Variants in ALCAM observed in about 807,000 individuals in gnomAD.
ALCAM encodes the protein activated leukocyte cell adhesion molecule, also known as CD166 antigen.
ALCAM carries 30 observed loss-of-function variants against 70.9 expected under a neutral mutation model. The observed-to-expected ratio is 0.42, with a 90% CI of 0.32 to 0.57. The LOEUF is 0.57. ALCAM is among the 20% of genes least tolerant of loss of function. The pLI, the probability that ALCAM is intolerant of heterozygous loss-of-function variation, is 0.11. For missense variants in ALCAM, 591 were observed against 695.1 expected, an observed-to-expected ratio of 0.85 and a Z score of 1.68; for synonymous variants, 249 against 242.5, an observed-to-expected ratio of 1.03 and a Z score of -0.25.
intron 1 of ALCAM, among the ~76,000 whole-genome samples, chr3:105,464,516 C>T (rs1937659932): frequency 6.6e-6 from 1 of 151,162 alleles, no homozygotes; most frequent in Admixed American, 6.6e-5. Flanking sequence ...TAATTATAAG[C>T]ATATTAGGAC....
At chr3:105,538,998 ACTT>A (rs1318312725) in intron 6 of ALCAM, among the ~76,000 whole-genome samples, 1 of 152,070 alleles carries the variant, frequency 6.6e-6, no homozygotes, top group African/African-American at 2.4e-5. Context: ...CAAAAGTATA[ACTT>A]ACTCATTTCA....
intron 9 of ALCAM, 69 bp from the exon 10 acceptor site, chr3:105,547,080 T>A: frequency 7.7e-7 from 1 of 1,297,488 alleles, no homozygotes; most frequent in Non-Finnish European, 1.0e-6. Flanking sequence ...TAGGCTTAAT[T>A]ATTATCTAAT....
intron 1 of ALCAM, among the ~76,000 whole-genome samples, chr3:105,368,426 G>T (rs894076439): frequency 6.6e-6 from 1 of 151,942 alleles, no homozygotes; most frequent in African/African-American, 2.4e-5. Context: ...AGAGCAGCAG[G>T]TTCCTTTGCT....
At chr3:105,492,508 A>G (rs1278174424) in intron 1 of ALCAM, among the ~76,000 whole-genome samples, 1 of 152,226 alleles carries the variant, frequency 6.6e-6, no homozygotes, top group Non-Finnish European at 1.5e-5. Context: ...AAAAAATGTA[A>G]TGATTAGGAG....
At chr3:105,547,956 T>G (rs1391752059) in intron 11 of ALCAM, among the ~76,000 whole-genome samples, 1 of 151,424 alleles carries the variant, frequency 6.6e-6, no homozygotes, top group Admixed American at 6.6e-5. Context: ...TGTTACTTCT[T>G]AAAACTATGT....
chr3:105,405,104 C>T (rs112339805), intron 1 of ALCAM, among the ~76,000 whole-genome samples: 36 of 151,962 alleles, frequency 2.4e-4, no homozygotes, highest in African/African-American at 8.4e-4. Context: ...ATGGAGAAAC[C>T]TTGTCTCTAC....
At chr3:105,436,437 C>T (rs141987487) in intron 1 of ALCAM, among the ~76,000 whole-genome samples, 2,331 of 152,206 alleles carry the variant, frequency 0.015, 24 homozygotes, top group Middle Eastern at 0.048. Flanking sequence ...CTGCCATTCT[C>T]CTGCCTCAGC....
chr3:105,413,379 C>G (rs1936434458), intron 1 of ALCAM, among the ~76,000 whole-genome samples: 1 of 152,086 alleles, frequency 6.6e-6, no homozygotes, highest in Admixed American at 6.6e-5. Flanking sequence ...TGTTAAATTT[C>G]TGTATACATT....
chr3:105,425,387 TCA>T (rs1430715122), intron 1 of ALCAM, among the ~76,000 whole-genome samples: 2 of 151,760 alleles, frequency 1.3e-5, no homozygotes, highest in Non-Finnish European at 2.9e-5. Flanking sequence ...GTGGAACCTC[TCA>T]GTCTTTCAAA....
chr3:105,498,199 A>G (rs375223181), intron 1 of ALCAM, among the ~76,000 whole-genome samples: 36 of 152,212 alleles, frequency 2.4e-4, no homozygotes, highest in African/African-American at 8.7e-4. Context: ...AATATATTCA[A>G]AGTCATATGG....
chr3:105,368,251 GAGAGAGAGAGAGAA>G (rs538559195), intron 1 of ALCAM, among the ~76,000 whole-genome samples: 2,430 of 151,308 alleles, frequency 0.016, 31 homozygotes, highest in Middle Eastern at 0.048. Flanking sequence ...GAGAGAGAGA[GAGAGAGAGAGAGAA>G]AAGGCAAAAT....
chr3:105,402,006 T>C (rs1012590031), intron 1 of ALCAM, among the ~76,000 whole-genome samples: 13 of 147,484 alleles, frequency 8.8e-5, no homozygotes, highest in African/African-American at 3.0e-4. Flanking sequence ...AGAAGAAAAA[T>C]AGCAACTTGG....
intron 14 of ALCAM, chr3:105,553,171 A>C (rs966621889): frequency 5.8e-6 from 5 of 858,130 alleles, no homozygotes; most frequent in Non-Finnish European, 7.0e-6. Context: ...GAGATGTTAA[A>C]CATTATTAGT....
chr3:105,447,125 A>G (rs1937319409), intron 1 of ALCAM, among the ~76,000 whole-genome samples: 1 of 151,880 alleles, frequency 6.6e-6, no homozygotes, highest in Non-Finnish European at 1.5e-5. Context: ...TACCCCATAA[A>G]TATATTTATT....
At chr3:105,470,638 A>G (rs1937901119) in intron 1 of ALCAM, among the ~76,000 whole-genome samples, 1 of 151,286 alleles carries the variant, frequency 6.6e-6, no homozygotes, top group Admixed American at 6.6e-5. Context: ...AGCGATAAAC[A>G]GGATTTATTC....
intron 1 of ALCAM, among the ~76,000 whole-genome samples, chr3:105,515,740 A>G (rs182343070): frequency 3.9e-5 from 6 of 152,202 alleles, no homozygotes; most frequent in Non-Finnish European, 2.9e-5. Flanking sequence ...AAACACCGCT[A>G]TAAACTAGTG....
chr3:105,371,183 T>A (rs1258446303), intron 1 of ALCAM, among the ~76,000 whole-genome samples: 1 of 152,072 alleles, frequency 6.6e-6, no homozygotes, highest in Non-Finnish European at 1.5e-5. Flanking sequence ...AAGAAGAAAA[T>A]TAATTAAATA....
chr3:105,424,374 C>G (rs1171931825), intron 1 of ALCAM, among the ~76,000 whole-genome samples: 2 of 151,650 alleles, frequency 1.3e-5, no homozygotes, highest in Non-Finnish European at 1.5e-5. Context: ...CAGATGAACT[C>G]TTAGAATAGT....
intron 3 of ALCAM, among the ~76,000 whole-genome samples, chr3:105,526,805 G>A (rs1315577767): frequency 1.3e-5 from 2 of 152,138 alleles, no homozygotes; most frequent in African/African-American, 2.4e-5. Context: ...CTCTGCATGT[G>A]TATATTGCAG....
Sources: gnomAD v4.1 joint callset for allele counts (sites outside exome capture counted in the v4.1 genomes callset) on GRCh38, gnomAD v4.1.1 for gene constraint, MANE v1.5 for transcripts, NCBI Gene and HGNC (gene_info 2026-07-23, HGNC 2026-07-21) for gene names.